STK39: variants seen among roughly 807,000 people sequenced by gnomAD.
STK39 encodes serine/threonine kinase 39, also known as STE20/SPS1-related proline-alanine-rich protein kinase.
Under a neutral mutation model 77.8 loss-of-function variants are expected in STK39, and 20 were observed. That is an observed-to-expected ratio of 0.26 (90% CI 0.18 to 0.37). The LOEUF is 0.37. Among genes scored for constraint, STK39 ranks in the 10% least tolerant of loss-of-function variants. The pLI, the probability that STK39 is intolerant of heterozygous loss-of-function variation, is 1.00. For synonymous variants in STK39, 246 were observed against 234.1 expected, an observed-to-expected ratio of 1.05 and a Z score of -0.47; for missense variants, 479 against 656.5, an observed-to-expected ratio of 0.73 and a Z score of 2.95.
chr2:168,003,095 T>G (rs1164123755), intron 16 of STK39, among the ~76,000 whole-genome samples: 1 of 152,222 alleles, frequency 6.6e-6, no homozygotes, highest in Non-Finnish European at 1.5e-5. Context: ...ACGATTCTCC[T>G]GCCTCAGCCC....
At chr2:168,245,064 T>C (rs1042953974) in intron 1 of STK39, among the ~76,000 whole-genome samples, 3 of 152,236 alleles carry the variant, frequency 2.0e-5, no homozygotes, top group African/African-American at 4.8e-5. Flanking sequence ...AAATTGATTA[T>C]AACTTCTCCC....
intron 16 of STK39, among the ~76,000 whole-genome samples, chr2:167,982,935 A>T (rs1238234358): frequency 6.6e-6 from 1 of 152,172 alleles, no homozygotes; most frequent in Non-Finnish European, 1.5e-5. Context: ...TTCCCTTCTC[A>T]AACTAGTAAA....
intron 16 of STK39, among the ~76,000 whole-genome samples, chr2:168,002,827 C>G (rs976228991): frequency 1.3e-5 from 2 of 152,040 alleles, no homozygotes; most frequent in South Asian, 2.1e-4. Flanking sequence ...TCTGTGCTTA[C>G]GTTTGTGTTC....
At chr2:168,128,337 C>G (rs1458801729) in intron 10 of STK39, among the ~76,000 whole-genome samples, 1 of 152,228 alleles carries the variant, frequency 6.6e-6, no homozygotes, top group East Asian at 1.9e-4. Flanking sequence ...CCAGGCATCT[C>G]TTTCAGTCTT....
chr2:168,034,942 G>A (rs537157783), intron 14 of STK39, among the ~76,000 whole-genome samples: 1 of 152,316 alleles, frequency 6.6e-6, no homozygotes, highest in South Asian at 2.1e-4. Context: ...CCTTCAGCCT[G>A]TTGATGTGGT....
chr2:167,963,966 C>T (rs1377230983), intron 17 of STK39, among the ~76,000 whole-genome samples: 1 of 152,080 alleles, frequency 6.6e-6, no homozygotes, highest in Admixed American at 6.6e-5. Context: ...ATGTACTGTT[C>T]GCTAAAATTT....
chr2:168,241,396 T>C (rs1690754193), intron 1 of STK39, among the ~76,000 whole-genome samples: 1 of 152,196 alleles, frequency 6.6e-6, no homozygotes, highest in Non-Finnish European at 1.5e-5. Context: ...CTCGGAGCCC[T>C]CTCATAATGG....
intron 1 of STK39, among the ~76,000 whole-genome samples, chr2:168,224,063 TAAA>T (rs1413635563): frequency 5.9e-5 from 9 of 151,504 alleles, no homozygotes; most frequent in Non-Finnish European, 1.2e-4. Flanking sequence ...TCTGTAAACA[TAAA>T]GAAAAAAAGA....
At chr2:168,206,915 T>C (rs139724629) in intron 1 of STK39, among the ~76,000 whole-genome samples, 35 of 152,344 alleles carry the variant, frequency 2.3e-4, no homozygotes, top group African/African-American at 8.2e-4. Flanking sequence ...GCAGGAAGAC[T>C]AATGGAAACC....
chr2:168,065,323 G>A lies in STK39; in HGVS notation c.1301C>T (p.Ser434Phe), dbSNP rs953426929. The change falls in exon 13 of 18, where the codon TCT becomes TTT. Residue 434 changes from serine to phenylalanine, a missense_variant. Ser to Phe is a radical substitution (Grantham distance 155, BLOSUM62 -2). Around this residue, in one of 3 missense-constraint regions of STK39, gnomAD observed 244 missense variants for 296.8 expected, o/e 0.82. Transcript: ENST00000355999. ...EQIQSLSVHD[S>F]QGPPNANEDY... ...ATGACTGGCAGAGAAACATACCTGA[G>A]AGTCGTGCACAGAGAGGGACTGTAT... 1 of 1,614,042 alleles carries A rather than the reference G, an allele frequency of 6.2e-7. No homozygotes were observed. Among genetic ancestry groups the A allele is most frequent in the Non-Finnish European group, 8.5e-7 (1 of 1,179,912 alleles).
intron 10 of STK39, among the ~76,000 whole-genome samples, chr2:168,114,980 T>A (rs942037836): frequency 2.0e-5 from 3 of 152,188 alleles, no homozygotes; most frequent in African/African-American, 7.2e-5. Context: ...CAATACGTTT[T>A]ACTACCAATG....
Position 168,247,512 on chromosome 2 carries a change from C to G in STK39, c.-77G>C. On this transcript the variant is annotated 5_prime_UTR_variant, in exon 1 of 18. Coordinates refer to ENST00000355999, the MANE Select transcript of STK39 (RefSeq NM_013233.3). ...CTTGAAACTTCCTTTGCCTCGCCGC[C>G]GACACCTCTCGGCCGGCGCACGCCC... 9.0e-7 allele frequency: 1 copy of G among 1,107,294 alleles called. No individual in the cohort carries two copies. The highest frequency in any genetic ancestry group is 1.1e-6 in the Non-Finnish European group (1 of 890,456). 68.6% of individuals were successfully genotyped at this position (1,107,294 alleles called of 1,614,324 possible).
At chr2:168,155,850 C>T (rs1239775960) in intron 5 of STK39, among the ~76,000 whole-genome samples, 1 of 152,242 alleles carries the variant, frequency 6.6e-6, no homozygotes, top group African/African-American at 2.4e-5. Flanking sequence ...CTATGCCTTA[C>T]ATCTGTTCTC....
chr2:168,231,895 G>T (rs893039841), intron 1 of STK39: 2 of 234,684 alleles, frequency 8.5e-6, no homozygotes, highest in South Asian at 8.0e-5. Flanking sequence ...AGCTTGATGT[G>T]GGGGGAGGAA....
chr2:167,990,148 G>A (rs149292542), intron 16 of STK39, among the ~76,000 whole-genome samples: 2 of 152,072 alleles, frequency 1.3e-5, no homozygotes, highest in Non-Finnish European at 2.9e-5. Context: ...ATTTTTTCAC[G>A]AATCCACATT....
intron 10 of STK39, among the ~76,000 whole-genome samples, chr2:168,126,831 A>ACAGC (rs1351645531): frequency 6.6e-6 from 1 of 152,146 alleles, no homozygotes; most frequent in Non-Finnish European, 1.5e-5. Flanking sequence ...TGATCGGAAA[A>ACAGC]CAGCCAATAT....
At chr2:168,164,031 G>T in intron 3 of STK39, 151 bp from the exon 4 acceptor site, 2 of 1,133,380 alleles carry the variant, frequency 1.8e-6, no homozygotes, top group Non-Finnish European at 2.4e-6. Flanking sequence ...TTGAATGGGG[G>T]CCCCATGACC....
chr2:168,067,519 T>C (rs1685826938), intron 12 of STK39, among the ~76,000 whole-genome samples: 2 of 152,190 alleles, frequency 1.3e-5, no homozygotes, highest in Non-Finnish European at 1.5e-5. Context: ...CATCAGCTTA[T>C]ACAGCCTGCA....
chr2:168,190,015 G>C (rs755125455), intron 1 of STK39, among the ~76,000 whole-genome samples: 2 of 152,168 alleles, frequency 1.3e-5, no homozygotes, highest in Non-Finnish European at 2.9e-5. Context: ...TTGCCTTCTT[G>C]AACAACTCCA....
Sources: gnomAD v4.1 joint callset for allele counts (sites outside exome capture counted in the v4.1 genomes callset) on GRCh38, gnomAD v4.1.1 for gene constraint, gnomAD v4.1.1 regional missense constraint, MANE v1.5 for transcripts, NCBI Gene and HGNC (gene_info 2026-07-23, HGNC 2026-07-21) for gene names.